The following MYLK3 variants were observed in gnomAD, a reference collection of about 807,000 sequenced individuals.
MYLK3 encodes myosin light chain kinase 3.
In MYLK3, 55 loss-of-function variants were observed where a neutral mutation model predicts 76.3. The ratio of observed to expected loss-of-function variants is 0.72; its 90% CI spans 0.58 to 0.90. The LOEUF (loss-of-function observed/expected upper bound fraction) is 0.90. MYLK3 is among the 40% of genes least tolerant of loss of function. The pLI is 0.00. For missense variants in MYLK3, 973 were observed against 1,053.6 expected, an observed-to-expected ratio of 0.92 and a Z score of 1.06; for synonymous variants, 416 against 425.4, an observed-to-expected ratio of 0.98 and a Z score of 0.27.
rs1477973383 is a variant in MYLK3 at position 46,703,397 on chromosome 16, TA to T, written c.*4306del. The T allele has an allele frequency of 6.6e-6, 1 of 152,240 alleles. No homozygotes were observed. The highest frequency in any genetic ancestry group is 2.4e-5 in the African/African-American group (1 of 41,478). 9.4% of individuals were successfully genotyped at this position (152,240 alleles called of 1,614,324 possible). A position where few individuals can be genotyped will look rare whatever the true frequency, so the allele number is the denominator to read the frequency against. ...TGAAAGAAAGCATGGGAATGACTTT[TA>T]TTTGGATACATATCCATCAAAAGTG... On this transcript the variant is annotated 3_prime_UTR_variant, in exon 13 of 13. Coordinates refer to ENST00000394809, the MANE Select transcript of MYLK3 (RefSeq NM_182493.3).
intron 9 of MYLK3, among the ~76,000 whole-genome samples, chr16:46,715,533 T>C (rs770220751): frequency 6.6e-6 from 1 of 152,206 alleles, no homozygotes; most frequent in Non-Finnish European, 1.5e-5. Flanking sequence ...GGCATCCTCT[T>C]ACTCTGCCAA....
rs536166370 is a variant in MYLK3 at position 46,722,688 on chromosome 16, A to T, written c.1915-1495T>A. Among the ~76,000 whole-genome samples the T allele has an allele frequency of 1.8e-3, 186 of 104,528 alleles. 1 individual carries two copies. Among genetic ancestry groups the T allele is most frequent in the Non-Finnish European group, 2.8e-3 (148 of 53,534 alleles). The allele number at this position is 104,528 out of a possible 152,430, so 68.6% of individuals were successfully genotyped here. ...ATTATAAGTAATACAAATAATACTG[A>T]TTTTTACCATAAAACTCACCTTTTT... is the stretch of plus-strand genomic sequence containing the variant. On this transcript the variant is annotated intron_variant, in intron 8 of 12. Transcript: ENST00000394809.
chr16:46,729,467 G>T, intron 6 of MYLK3, 127 bp downstream of exon 6: 1 of 865,820 alleles, frequency 1.2e-6, no homozygotes, highest in Non-Finnish European at 1.8e-6. Flanking sequence ...TGACTGGAGG[G>T]TGGGAATTCT....
At chr16:46,741,654 G>A (rs1185332844) in intron 1 of MYLK3, among the ~76,000 whole-genome samples, 1 of 152,202 alleles carries the variant, frequency 6.6e-6, no homozygotes, top group Non-Finnish European at 1.5e-5. Context: ...CGCTGTATCA[G>A]TGAGTGCCTT....
At chr16:46,712,912 A>T in intron 9 of MYLK3, 136 bp from the exon 10 acceptor site, 1 of 764,442 alleles carries the variant, frequency 1.3e-6, no homozygotes, top group African/African-American at 1.8e-5. Context: ...CCCACATTAC[A>T]CCTGTGAATT....
chr16:46,758,304 ACTCTCTCTCTCTCTCT>A (rs3044832), intron 1 of MYLK3, among the ~76,000 whole-genome samples: 44 of 87,308 alleles, frequency 5.0e-4, no homozygotes, highest in African/African-American at 1.1e-3. Context: ...ACACACACAC[ACTCTCTCTCTCTCTCT>A]CTCTCTCTCT....
Position 46,704,126 on chromosome 16 carries a change from T to C in MYLK3, c.*3578A>G, listed in dbSNP as rs969834529. The C allele has an allele frequency of 1.3e-5, 2 of 152,200 alleles. No individual in the cohort carries two copies. The highest frequency in any genetic ancestry group is 4.8e-5 in the African/African-American group (2 of 41,414). 9.4% of individuals were successfully genotyped at this position (152,200 alleles called of 1,614,324 possible). The stretch of plus-strand genomic sequence containing the variant: ...TTGTTTGTTTGTTTTTTGTCAGGGG[T>C]GGGGACAAAGTTTTGCTCTGCCACC... On this transcript the variant is annotated 3_prime_UTR_variant, in exon 13 of 13. Coordinates refer to ENST00000394809, the MANE Select transcript of MYLK3 (RefSeq NM_182493.3).
chr16:46,748,492 T>G (rs958553175), upstream of MYLK3, among the ~76,000 whole-genome samples: 1 of 152,146 alleles, frequency 6.6e-6, no homozygotes, highest in African/African-American at 2.4e-5. The surrounding 1 kb of genome is among the most constrained non-coding windows in gnomAD (Gnocchi z 4.3). Flanking sequence ...CATTCCTCTC[T>G]GAGAGGCTGC....
At chr16:46,751,157 T>G (rs940274362), upstream of MYLK3, among the ~76,000 whole-genome samples, 1 of 152,068 alleles carries the variant, frequency 6.6e-6, no homozygotes, top group East Asian at 1.9e-4. Context: ...ATACCTGTAA[T>G]CCCAGCACTT....
chr16:46,760,270 C>T (rs575479666), intron 1 of MYLK3, among the ~76,000 whole-genome samples: 15 of 152,226 alleles, frequency 9.9e-5, no homozygotes, highest in Non-Finnish European at 2.2e-4. Context: ...CTGGAAGTCC[C>T]TTCGACTCCT....
In MYLK3 at chr16:46,744,815, T is replaced by C. The variant is rs990681057; in HGVS notation, c.477+2902A>G. On this transcript the variant is annotated intron_variant, in intron 1 of 12. Coordinates refer to ENST00000394809, the MANE Select transcript of MYLK3 (RefSeq NM_182493.3). The stretch of plus-strand genomic sequence containing the variant: ...AGGAGTTCAAGACCAGCCTGGGCAA[T>C]GTAGTAAGACCCTGTCTCTAAATAA... Among the ~76,000 whole-genome samples, 6 of 152,086 alleles carry C rather than the reference T, an allele frequency of 3.9e-5. No individual in the cohort carries two copies. In the East Asian group the frequency reaches 1.2e-3, roughly 29 times the overall value.
At position 46,703,534 on chromosome 16, in the gene MYLK3, CTG is replaced by C. The variant is rs1200923563; in HGVS notation, c.*4168_*4169del. On this transcript the variant is annotated 3_prime_UTR_variant, in exon 13 of 13. Transcript: ENST00000394809. ...TTCTCTGCCCAGCAGTTTCCAGTGA[CTG>C]TACATGCAAATGGAAAAGTCCCATT... is the stretch of plus-strand genomic sequence containing the variant. 2.6e-5 allele frequency: 4 copies of C among 152,326 alleles called. No individual in the cohort carries two copies. Among genetic ancestry groups the C allele is most frequent in the African/African-American group, 7.2e-5 (3 of 41,562 alleles). 9.4% of individuals were successfully genotyped at this position (152,326 alleles called of 1,614,324 possible). A position where few individuals can be genotyped will look rare whatever the true frequency, so the allele number is the denominator to read the frequency against.
chr16:46,721,070 C>T (rs1966794157), intron 9 of MYLK3, 53 bp downstream of exon 9: 1 of 1,500,390 alleles, frequency 6.7e-7, no homozygotes, highest in Non-Finnish European at 9.3e-7. Flanking sequence ...GCCCAGAGAG[C>T]CACAAAGAGT....
At chr16:46,726,703 AAGAAAGAAAGAAAGAAAG>A (rs1966842230) in intron 8 of MYLK3, 1 of 149,926 alleles carries the variant, frequency 6.7e-6, no homozygotes, top group Admixed American at 6.6e-5. Flanking sequence ...GAAAGAAAGA[AAGAAAGAAAGAAAGAAAG>A]AAAGAAAGAA....
chr16:46,737,549 T>C (rs1045410158), intron 3 of MYLK3, among the ~76,000 whole-genome samples, 162 bp downstream of exon 3: 1 of 152,256 alleles, frequency 6.6e-6, no homozygotes, highest in Non-Finnish European at 1.5e-5. Context: ...CGGTGAGCAC[T>C]GGTACTCTAA....
chr16:46,718,017 G>A (rs1966761414), intron 9 of MYLK3, among the ~76,000 whole-genome samples: 1 of 152,182 alleles, frequency 6.6e-6, no homozygotes, highest in Admixed American at 6.5e-5. Flanking sequence ...TGCCCCATGG[G>A]GGACAAACAT....
At position 46,721,166 on chromosome 16, in the gene MYLK3, T is replaced by A. The variant is rs1250228134; in HGVS notation, c.1942A>T (p.Thr648Ser). 6.2e-7 allele frequency: 1 copy of A among 1,614,096 alleles called. No homozygotes were observed. Among genetic ancestry groups the A allele is most frequent in the Non-Finnish European group, 8.5e-7 (1 of 1,180,038 alleles). Residue 648 changes from threonine (T) to serine (S), a missense_variant, in exon 9 of 13, where the codon ACA becomes TCA. Physicochemically the swap from Thr to Ser is moderately conservative, Grantham distance 58 (BLOSUM62 1). Coordinates refer to ENST00000394809, the MANE Select transcript of MYLK3 (RefSeq NM_182493.3). ...TCAATGATCTTAATTTGATGTCCTG[T>A]CTGATTGACGCACAATATGTTCTCC... Reference protein sequence around the residue: ...KPENILCVNQTGHQIKIIDFG... With the variant: ...KPENILCVNQSGHQIKIIDFG...
chr16:46,741,854 T>C (rs1270529448), intron 1 of MYLK3, among the ~76,000 whole-genome samples: 1 of 151,310 alleles, frequency 6.6e-6, no homozygotes, highest in Non-Finnish European at 1.5e-5. Context: ...CACTGCAGCC[T>C]CGACCTTCCA....
intron 3 of MYLK3, among the ~76,000 whole-genome samples, chr16:46,735,328 C>A (rs1226191736): frequency 6.6e-6 from 1 of 152,092 alleles, no homozygotes; most frequent in Non-Finnish European, 1.5e-5. Flanking sequence ...GCCTCAGTCT[C>A]CTGAGTAGCT....
Sources: allele counts gnomAD v4.1 joint callset (sites outside exome capture counted in the v4.1 genomes callset), GRCh38; gene constraint gnomAD v4.1.1; non-coding constraint Gnocchi (gnomAD v3.1); transcripts MANE v1.5; gene names NCBI Gene and HGNC (gene_info 2026-07-23, HGNC 2026-07-21).